Variants in SPATA13 observed in about 807,000 individuals in gnomAD.
SPATA13 encodes spermatogenesis associated 13.
A neutral mutation model predicts 104.0 loss-of-function variants in SPATA13; 50 were observed. The observed-to-expected ratio is 0.48, with a 90% CI of 0.38 to 0.61. The LOEUF (loss-of-function observed/expected upper bound fraction) is 0.61. SPATA13 is among the 20% of genes least tolerant of loss of function. The probability of loss-of-function intolerance (pLI) is 0.00; values close to 1 mark genes in which losing one functional copy is unlikely to be tolerated. For missense variants in SPATA13, 1,524 were observed against 1,690.6 expected, an observed-to-expected ratio of 0.90 and a Z score of 1.73; for synonymous variants, 606 against 667.5, an observed-to-expected ratio of 0.91 and a Z score of 1.42.
intron 3 of SPATA13, among the ~76,000 whole-genome samples, chr13:24,068,363 A>G (rs1362773360): frequency 6.6e-6 from 1 of 152,098 alleles, no homozygotes; most frequent in Non-Finnish European, 1.5e-5. Flanking sequence ...GTATATATGT[A>G]CCATACTTTT....
At chr13:24,057,231 C>A (rs9553153) in intron 3 of SPATA13, among the ~76,000 whole-genome samples, 2 of 150,668 alleles carry the variant, frequency 1.3e-5, no homozygotes, top group East Asian at 2.0e-4. Flanking sequence ...TCCCTCCCCC[C>A]TCCCCCCAAC....
chr13:24,095,994 C>T (rs1011712578), intron 3 of SPATA13, among the ~76,000 whole-genome samples: 3 of 152,234 alleles, frequency 2.0e-5, no homozygotes, highest in South Asian at 2.1e-4. Context: ...GGTACCTACA[C>T]CTGCCTCTGA....
At chr13:24,066,436 G>A (rs772062332) in intron 3 of SPATA13, among the ~76,000 whole-genome samples, 25 of 152,188 alleles carry the variant, frequency 1.6e-4, no homozygotes, top group Admixed American at 3.3e-4. Context: ...GACTCCCAGA[G>A]CTTGCACCTT....
intron 4 of SPATA13, chr13:24,270,657 T>A: frequency 8.0e-7 from 1 of 1,256,510 alleles, no homozygotes; most frequent in East Asian, 2.6e-5. Context: ...CCACTAACCC[T>A]TGGTCACACG....
rs896930097 is a variant in SPATA13 at position 24,088,765 on chromosome 13, G to A, written c.-112+71064G>A. Among the ~76,000 whole-genome samples the A allele has an allele frequency of 6.6e-6, 1 of 152,148 alleles. No homozygotes were observed. The highest frequency in any genetic ancestry group is 2.4e-5 in the African/African-American group (1 of 41,428). ...GCCAGGTGCTGAGCCAGTTCTGAGA[G>A]CCAATCTGCCATCATTTAATCAATT... On this transcript the variant is annotated intron_variant, in intron 3 of 14. Coordinates refer to the SPATA13 transcript ENST00000424834. This position sits in a 1 kb window ranked among gnomAD's most constrained non-coding sequence, Gnocchi z 4.3.
Position 24,167,353 on chromosome 13 carries a change from G to A in SPATA13, c.-112+6421G>A, listed in dbSNP as rs544047018. ...GGACATGGTCGTGGTCCTCTCCTTT[G>A]GTCTGAGAGTTGGGAAGTAAAACAG... On this transcript the variant is annotated intron_variant, in intron 1 of 12. Transcript: ENST00000382108. 1.4e-4 allele frequency among the ~76,000 whole-genome samples: 21 copies of A among 152,266 alleles called. 1 individual carries two copies. The South Asian group carries it at 4.1e-3, about 30-fold the overall frequency.
chr13:24,015,322 A>T (rs9578668), intron 2 of SPATA13, among the ~76,000 whole-genome samples: 1,684 of 152,214 alleles, frequency 0.011, 39 homozygotes, highest in African/African-American at 0.038. Flanking sequence ...ACATTATTTA[A>T]TTTTTTTCCC....
intron 9 of SPATA13, among the ~76,000 whole-genome samples, chr13:24,291,746 TTA>T (rs1491304591): frequency 9.0e-5 from 6 of 66,556 alleles, no homozygotes; most frequent in Admixed American, 5.1e-4. Context: ...CTTTATTTTT[TTA>T]TTTTTTTATT....
chr13:24,022,929 T>G (rs1434685347), intron 3 of SPATA13, among the ~76,000 whole-genome samples: 2 of 145,650 alleles, frequency 1.4e-5, no homozygotes, highest in Non-Finnish European at 3.1e-5. Context: ...CAAATACACT[T>G]GAATCTTCTT....
At position 24,249,619 on chromosome 13, in the gene SPATA13, G is replaced by T. The variant is rs371511214; in HGVS notation, c.1796G>T (p.Arg599Leu). The T allele has an allele frequency of 6.2e-7, 1 of 1,613,790 alleles. No individual in the cohort carries two copies. The highest frequency in any genetic ancestry group is 8.5e-7 in the Non-Finnish European group (1 of 1,179,820). Residue 599 changes from arginine (R) to leucine (L), a missense_variant, in exon 3 of 13, where the codon CGC becomes CTC. By Grantham distance (102) the Arg-to-Leu change is moderately radical. Coordinates refer to ENST00000382108, the MANE Select transcript of SPATA13 (RefSeq NM_001166271.3). ...PFSDYGQLASRSLSIPEDSVA... is the reference protein window; with the variant it reads ...PFSDYGQLASLSLSIPEDSVA... ...TCTGACTACGGCCAGCTGGCCAGCCGCAGTTTGTCTATTCCTGAAGACTCG... is the reference window on the plus strand; with the variant it reads ...TCTGACTACGGCCAGCTGGCCAGCCTCAGTTTGTCTATTCCTGAAGACTCG...
At chr13:24,164,085 T>C (rs369202682) in intron 1 of SPATA13, among the ~76,000 whole-genome samples, 7 of 152,362 alleles carry the variant, frequency 4.6e-5, no homozygotes, top group African/African-American at 1.7e-4. Flanking sequence ...CAAATGTACA[T>C]GGTTTTCTTG....
chr13:24,075,890 G>C (rs925109392), intron 3 of SPATA13, among the ~76,000 whole-genome samples: 5 of 152,166 alleles, frequency 3.3e-5, no homozygotes, highest in Non-Finnish European at 7.3e-5. Context: ...TGGGAGAAGA[G>C]AGATTTCTAT....
intron 3 of SPATA13, among the ~76,000 whole-genome samples, chr13:24,115,827 CT>C (rs1880815718): frequency 6.6e-6 from 1 of 152,234 alleles, no homozygotes; most frequent in Non-Finnish European, 1.5e-5. Context: ...GGGTGGCTCA[CT>C]CAGATGCCAG....
At chr13:24,156,659 G>A (rs146818139), upstream of SPATA13, among the ~76,000 whole-genome samples, 995 of 152,292 alleles carry the variant, frequency 6.5e-3, 17 homozygotes, top group African/African-American at 0.022. Context: ...TATAGCAAAC[G>A]CACCTTATCC....
chr13:24,041,146 T>C (rs1254841928), intron 3 of SPATA13, among the ~76,000 whole-genome samples: 2 of 152,358 alleles, frequency 1.3e-5, no homozygotes, highest in African/African-American at 4.8e-5. Flanking sequence ...TGCAGCCCTA[T>C]CCACTTAGCT....
At position 24,297,729 on chromosome 13, in the gene SPATA13, G is replaced by A; in HGVS notation, c.3577G>A (p.Glu1193Lys). ...DERRRVQEDK[E>K]MGMEISENQK... is the part of the protein sequence containing the mutation. ...AAGGAGGCGGGTGCAAGAGGACAAG[G>A]AGATGGGTGAGCAGCCCTTGGCTCT... The change falls in exon 11 of 13, where the codon GAG (glutamate) becomes AAG (lysine). Residue 1193 changes from glutamate to lysine, a missense_variant. Transcript: ENST00000382108. 2.5e-6 allele frequency: 4 copies of A among 1,609,802 alleles called. No homozygotes were observed. Among genetic ancestry groups the A allele is most frequent in the Non-Finnish European group, 3.4e-6 (4 of 1,177,404 alleles).
intron 10 of SPATA13, among the ~76,000 whole-genome samples, chr13:24,295,670 ACTCTCTCTCTCTCT>A (rs10523910): frequency 4.7e-5 from 7 of 147,928 alleles, no homozygotes; most frequent in African/African-American, 1.5e-4. Context: ...ACAAATTCTC[ACTCTCTCTCTCTCT>A]CTCTCTCTCT....
chr13:24,103,264 C>G lies in SPATA13; in HGVS notation c.-112+85563C>G, dbSNP rs562941068. On this transcript the variant is annotated intron_variant, in intron 3 of 14. Coordinates refer to the SPATA13 transcript ENST00000424834. ...GTTATTACCAGTTTATTTTCTTTAC[C>G]TATGTCTAGTCTTTACACACTTATA... 2.6e-5 allele frequency among the ~76,000 whole-genome samples: 4 copies of G among 152,124 alleles called. No individual in the cohort carries two copies. The East Asian group carries it at 7.7e-4, about 29-fold the overall frequency.
intron 1 of SPATA13, among the ~76,000 whole-genome samples, chr13:24,166,091 AT>A (rs1882721388): frequency 6.6e-6 from 1 of 152,150 alleles, no homozygotes; most frequent in East Asian, 1.9e-4. Context: ...ATTTATGTGG[AT>A]TTGCAGATTC....
Sources: gnomAD v4.1 joint callset for allele counts (sites outside exome capture counted in the v4.1 genomes callset) on GRCh38, gnomAD v4.1.1 for gene constraint, Gnocchi (gnomAD v3.1) non-coding constraint, MANE v1.5 for transcripts, NCBI Gene and HGNC (gene_info 2026-07-23, HGNC 2026-07-21) for gene names.